The following FLYWCH1 variants were observed in gnomAD, a reference collection of about 807,000 sequenced individuals.
FLYWCH1 encodes FLYWCH-type zinc finger-containing protein 1.
A neutral mutation model predicts 66.4 loss-of-function variants in FLYWCH1; 75 were observed. The ratio of observed to expected loss-of-function variants is 1.13; its 90% CI spans 0.94 to 1.37. The LOEUF is 1.37. FLYWCH1 is among the 40% of genes most tolerant of loss of function. The pLI, the probability that FLYWCH1 is intolerant of heterozygous loss-of-function variation, is 0.00. For missense variants in FLYWCH1, 1,334 were observed against 1,001.8 expected (o/e 1.33, Z -4.48); for synonymous variants, 595 against 429.9 (o/e 1.38, Z -4.75).
chr16:2,923,082 A>T, intron 2 of FLYWCH1: 1 of 409,032 alleles, frequency 2.4e-6, no homozygotes, highest in South Asian at 1.9e-5. Flanking sequence ...TTTTTTTTAT[A>T]GTTTGTTTTG....
intron 7 of FLYWCH1, 74 bp downstream of exon 7, chr16:2,937,458 G>GC: frequency 6.9e-7 from 1 of 1,445,396 alleles, no homozygotes; most frequent in Non-Finnish European, 9.1e-7. Flanking sequence ...GCTGGAGGCT[G>GC]CCCGTGGGGT....
chr16:2,945,946 G>C (rs549068169), intron 9 of FLYWCH1, among the ~76,000 whole-genome samples: 1 of 152,034 alleles, frequency 6.6e-6, no homozygotes, highest in South Asian at 2.1e-4. Flanking sequence ...GCAGTGAGCC[G>C]AGATTGCGAC....
At chr16:2,939,480 A>G (rs1373974432) in intron 8 of FLYWCH1, among the ~76,000 whole-genome samples, 2 of 151,810 alleles carry the variant, frequency 1.3e-5, no homozygotes, top group African/African-American at 4.8e-5. Context: ...AAAAGAAAAC[A>G]GCCTGGCCAA....
intron 2 of FLYWCH1, chr16:2,922,409 C>G: frequency 5.3e-6 from 1 of 189,150 alleles, no homozygotes; most frequent in South Asian, 1.1e-4. Context: ...TCCGTCACCA[C>G]CGTCCATCTC....
At chr16:2,919,142 A>C (rs1191826222) in intron 2 of FLYWCH1, among the ~76,000 whole-genome samples, 1 of 151,176 alleles carries the variant, frequency 6.6e-6, no homozygotes, top group African/African-American at 2.4e-5. Context: ...GGTGGTCTCG[A>C]TCTCCTGACG....
rs373373079 is a variant in FLYWCH1, at chr16:2,951,130, G to A, written c.*2403G>A. 6.6e-6 allele frequency: 1 copy of A among 152,284 alleles called. No homozygotes were observed. The highest frequency in any genetic ancestry group is 1.9e-4 in the East Asian group (1 of 5,196). 9.4% of individuals were successfully genotyped at this position (152,284 alleles called of 1,614,324 possible). A position where few individuals can be genotyped will look rare whatever the true frequency, so the allele number is the denominator to read the frequency against. Reference sequence around the variant, plus strand: ...GTATGACATTTGCACCACATGGTGTGTGTCCGTGCCCTTTGACATGACAGT... The same window carrying A: ...GTATGACATTTGCACCACATGGTGTATGTCCGTGCCCTTTGACATGACAGT... On this transcript the variant is annotated 3_prime_UTR_variant, in exon 10 of 10. Transcript: ENST00000253928.
chr16:2,945,068 G>C (rs1262759044), intron 9 of FLYWCH1, among the ~76,000 whole-genome samples: 1 of 150,648 alleles, frequency 6.6e-6, no homozygotes, highest in African/African-American at 2.4e-5. Context: ...TCAAATCCTT[G>C]GCCGGGCATG....
At chr16:2,912,307 T>G (rs2070015295) in intron 1 of FLYWCH1, among the ~76,000 whole-genome samples, 153 bp downstream of exon 1, 1 of 152,088 alleles carries the variant, frequency 6.6e-6, no homozygotes. Context: ...TCTCCCGCGA[T>G]TCCCTCCTTG....
At chr16:2,934,478 C>A in intron 6 of FLYWCH1, 1 of 361,094 alleles carries the variant, frequency 2.8e-6, no homozygotes, top group South Asian at 2.1e-5. Context: ...CCATCTTTAT[C>A]CACACGGTCG....
chr16:2,928,226 G>A (rs963218708), intron 2 of FLYWCH1, among the ~76,000 whole-genome samples: 6 of 152,156 alleles, frequency 3.9e-5, no homozygotes, highest in Non-Finnish European at 7.3e-5. Context: ...TCCCAGGGAC[G>A]AGCAGGGGAC....
intron 1 of FLYWCH1, among the ~76,000 whole-genome samples, chr16:2,912,854 A>G (rs2150867310): frequency 6.6e-6 from 1 of 152,346 alleles, no homozygotes; most frequent in East Asian, 1.9e-4. Context: ...CTGAACTCCC[A>G]TAGTCAGATA....
chr16:2,949,541 AGT>A lies in FLYWCH1; in HGVS notation c.*818_*819del, dbSNP rs2071615863. 6.6e-6 allele frequency: 1 copy of A among 152,142 alleles called. No individual in the cohort carries two copies. The highest frequency in any genetic ancestry group is 1.5e-5 in the Non-Finnish European group (1 of 68,062). The allele number at this position is 152,142 out of a possible 1,614,324, so 9.4% of individuals were successfully genotyped here. A position where few individuals can be genotyped will look rare whatever the true frequency, so the allele number is the denominator to read the frequency against. On this transcript the variant is annotated 3_prime_UTR_variant, in exon 10 of 10. Coordinates refer to ENST00000253928, the MANE Select transcript of FLYWCH1 (RefSeq NM_001308068.2). ...CCCCTTCTGTCAGACAGCTTCACAG[AGT>A]GTGGCTTCACCAGTCAGAGGGAGCA... is the stretch of plus-strand genomic sequence containing the variant.
intron 2 of FLYWCH1, among the ~76,000 whole-genome samples, chr16:2,917,129 C>G (rs574478458): frequency 6.6e-6 from 1 of 150,876 alleles, no homozygotes; most frequent in South Asian, 2.1e-4. Flanking sequence ...GCACTCCAGC[C>G]CAGGTGAAAG....
chr16:2,928,130 C>T (rs557203647), intron 2 of FLYWCH1, among the ~76,000 whole-genome samples: 32 of 152,344 alleles, frequency 2.1e-4, no homozygotes, highest in African/African-American at 5.8e-4. Flanking sequence ...AGTATTGCTG[C>T]CAGCGTATCT....
chr16:2,938,614 T>TG (rs2071125241), intron 8 of FLYWCH1, among the ~76,000 whole-genome samples, 158 bp downstream of exon 8: 1 of 149,496 alleles, frequency 6.7e-6, no homozygotes, highest in African/African-American at 2.5e-5. Flanking sequence ...TTTGTTTTTT[T>TG]TTTTTTTTTT....
At chr16:2,927,885 G>A (rs536023309) in intron 2 of FLYWCH1, among the ~76,000 whole-genome samples, 46 of 152,346 alleles carry the variant, frequency 3.0e-4, no homozygotes, top group South Asian at 1.2e-3. Context: ...CCGCACTGGC[G>A]CTGGTCTCTG....
chr16:2,934,596 T>G, intron 6 of FLYWCH1: 2 of 455,960 alleles, frequency 4.4e-6, no homozygotes, highest in Non-Finnish European at 8.8e-6. Context: ...ACTCACCTGC[T>G]CTTCCTTCAC....
intron 6 of FLYWCH1, chr16:2,936,262 T>A (rs929427948): frequency 1.0e-5 from 4 of 384,990 alleles, no homozygotes; most frequent in Non-Finnish European, 2.1e-5. Flanking sequence ...TGCCCCATGG[T>A]CACACCACCC....
chr16:2,916,075 C>T (rs924182127), intron 2 of FLYWCH1, among the ~76,000 whole-genome samples: 1 of 151,488 alleles, frequency 6.6e-6, no homozygotes, highest in Admixed American at 6.6e-5. Flanking sequence ...GGCCAGGTGC[C>T]GTGGCTCACA....
Sources: gnomAD v4.1 joint callset for allele counts (sites outside exome capture counted in the v4.1 genomes callset) on GRCh38, gnomAD v4.1.1 for gene constraint, MANE v1.5 for transcripts, NCBI Gene and HGNC (gene_info 2026-07-23, HGNC 2026-07-21) for gene names.